SNTG1: variants seen among roughly 807,000 people sequenced by gnomAD.
The protein encoded by SNTG1 is syntrophin gamma 1, also known as gamma-1-syntrophin.
Under a neutral mutation model 74.7 loss-of-function variants are expected in SNTG1, and 39 were observed. The observed-to-expected ratio is 0.52, with a 90% CI of 0.40 to 0.68. The LOEUF is 0.68. SNTG1 is among the 30% of genes least tolerant of loss of function. SNTG1 has a pLI of 0.00. For synonymous variants in SNTG1, 254 were observed against 217.1 expected, an observed-to-expected ratio of 1.17 and a Z score of -1.49; for missense variants, 685 against 609.5, an observed-to-expected ratio of 1.12 and a Z score of -1.30.
chr8:49,986,701 C>T (rs555422140), intron 1 of SNTG1, among the ~76,000 whole-genome samples: 1 of 124,592 alleles, frequency 8.0e-6, no homozygotes, highest in African/African-American at 3.1e-5. Flanking sequence ...CATAAGACCT[C>T]ATCTCTACAA....
chr8:50,149,356 A>G (rs1037945696), intron 1 of SNTG1, among the ~76,000 whole-genome samples: 2 of 152,158 alleles, frequency 1.3e-5, no homozygotes, highest in Non-Finnish European at 2.9e-5. Context: ...GTTCACCCTG[A>G]TGGCAGTTTC....
chr8:50,787,727 G>A (rs184807253), intron 18 of SNTG1, among the ~76,000 whole-genome samples: 105 of 152,044 alleles, frequency 6.9e-4, no homozygotes, highest in African/African-American at 2.4e-3. Context: ...AGTGTATTAA[G>A]TGAACGTAGA....
chr8:50,518,879 A>G (rs190162772), intron 9 of SNTG1, among the ~76,000 whole-genome samples: 121 of 152,294 alleles, frequency 7.9e-4, no homozygotes, highest in African/African-American at 2.8e-3. Context: ...AGAGGTACCA[A>G]CAGGAGCTGG....
intron 18 of SNTG1, among the ~76,000 whole-genome samples, chr8:50,779,208 A>G (rs2095650729): frequency 1.3e-5 from 2 of 152,076 alleles, no homozygotes; most frequent in South Asian, 4.1e-4. Context: ...TTCCATATGA[A>G]CTTTAAAGTA....
At chr8:50,625,525 A>G (rs746393871) in intron 13 of SNTG1, among the ~76,000 whole-genome samples, 6 of 152,222 alleles carry the variant, frequency 3.9e-5, no homozygotes, top group Non-Finnish European at 7.4e-5. Context: ...CTAAAAATCA[A>G]TAAATAAGGA....
chr8:50,450,420 G>T, intron 6 of SNTG1, 136 bp from the exon 7 acceptor site: 3 of 841,018 alleles, frequency 3.6e-6, no homozygotes, highest in Admixed American at 2.7e-5. Context: ...CATTTTTTGT[G>T]GATCTTTTAA....
chr8:50,533,573 T>C (rs1281482412), intron 10 of SNTG1, among the ~76,000 whole-genome samples: 2 of 151,074 alleles, frequency 1.3e-5, no homozygotes, highest in Admixed American at 6.6e-5. Flanking sequence ...TAAACTACTA[T>C]TCCAAAAAAA....
intron 1 of SNTG1, among the ~76,000 whole-genome samples, chr8:50,095,482 G>A (rs955873412): frequency 6.6e-6 from 1 of 152,076 alleles, no homozygotes; most frequent in African/African-American, 2.4e-5. Flanking sequence ...TTGAGGAAAA[G>A]GTAAAAGTCT....
At chr8:50,245,626 T>C (rs903795324) in intron 2 of SNTG1, among the ~76,000 whole-genome samples, 44 of 152,092 alleles carry the variant, frequency 2.9e-4, no homozygotes, top group African/African-American at 1.1e-3. Context: ...GAGGTTGCCA[T>C]GAGCCGAGAT....
intron 18 of SNTG1, among the ~76,000 whole-genome samples, chr8:50,775,789 C>A (rs2095639130): frequency 6.6e-6 from 1 of 151,578 alleles, no homozygotes; most frequent in African/African-American, 2.4e-5. Context: ...TACTTTGCAT[C>A]TAAGTTATTT....
At chr8:50,616,086 GCCA>G (rs2094883822) in intron 13 of SNTG1, among the ~76,000 whole-genome samples, 1 of 152,176 alleles carries the variant, frequency 6.6e-6, no homozygotes, top group Non-Finnish European at 1.5e-5. Flanking sequence ...GAAGAGCCCT[GCCA>G]CATTATTAAG....
Position 50,730,869 on chromosome 8 carries a change from C to T in SNTG1, c.1285-21132C>T, listed in dbSNP as rs140650336. 5.7e-3 allele frequency among the ~76,000 whole-genome samples: 865 copies of T among 152,146 alleles called. 6 individuals carry two copies. The highest frequency in any genetic ancestry group is 6.3e-3 in the Non-Finnish European group (430 of 68,006). On this transcript the variant is annotated intron_variant, in intron 17 of 18. Coordinates refer to ENST00000642720, the MANE Select transcript of SNTG1 (RefSeq NM_018967.5). ...TCAGCTTACTGTTCTATTGGAAGAACGCTACTAAACTAGTTTGAAATAATA... is the reference window on the plus strand; with the variant it reads ...TCAGCTTACTGTTCTATTGGAAGAATGCTACTAAACTAGTTTGAAATAATA...
rs1327204991 is a variant in SNTG1 at position 50,032,468 on chromosome 8, T to A, written c.-103+120237T>A. On this transcript the variant is annotated intron_variant, in intron 1 of 18. Coordinates refer to ENST00000642720, the MANE Select transcript of SNTG1 (RefSeq NM_018967.5). ...ACAGCACTCATGGTCTAAAGTTTTC[T>A]GTCTTGCTAGGCTGCTTTTTTTGTG... is the stretch of plus-strand genomic sequence containing the variant. Among the ~76,000 whole-genome samples, 3 of 152,170 alleles carry A rather than the reference T, an allele frequency of 2.0e-5. No homozygotes were observed. The East Asian group carries it at 5.8e-4, about 29-fold the overall frequency.
intron 2 of SNTG1, among the ~76,000 whole-genome samples, chr8:50,380,859 A>G (rs780727650): frequency 6.6e-6 from 1 of 152,240 alleles, no homozygotes; most frequent in Non-Finnish European, 1.5e-5. Flanking sequence ...TAATCATAAT[A>G]GGCAAGATCT....
At chr8:50,690,052 T>G (rs181551052) in intron 15 of SNTG1, among the ~76,000 whole-genome samples, 3 of 152,224 alleles carry the variant, frequency 2.0e-5, no homozygotes, top group Non-Finnish European at 2.9e-5. Flanking sequence ...GTTTGTAGTA[T>G]TCTCTGATGG....
chr8:50,706,596 C>T (rs1460848808), intron 16 of SNTG1, among the ~76,000 whole-genome samples: 5 of 151,972 alleles, frequency 3.3e-5, no homozygotes, highest in Non-Finnish European at 5.9e-5. Flanking sequence ...ATACATTGGC[C>T]TATTTCCTTA....
intron 9 of SNTG1, among the ~76,000 whole-genome samples, chr8:50,513,567 G>T (rs956054429): frequency 6.6e-6 from 1 of 152,252 alleles, no homozygotes; most frequent in Non-Finnish European, 1.5e-5. Flanking sequence ...GCTCCACCCA[G>T]TTTGAGCTTC....
At position 50,120,133 on chromosome 8, in the gene SNTG1, A is replaced by C. The variant is rs181234882; in HGVS notation, c.-102-52428A>C. Among the ~76,000 whole-genome samples, 9 of 141,810 alleles carry C rather than the reference A, an allele frequency of 6.3e-5. 1 individual carries two copies. In the East Asian group the frequency reaches 1.4e-3, roughly 22 times the overall value. 93.0% of individuals were successfully genotyped at this position (141,810 alleles called of 152,430 possible). ...TTTTGTTTTCTCCCCCTCTAGCAAA[A>C]ATGTTAATAGTAGTAGTAACTACCT... On this transcript the variant is annotated intron_variant, in intron 1 of 18. Transcript: ENST00000642720.
chr8:50,175,944 C>G (rs905245320), intron 2 of SNTG1, among the ~76,000 whole-genome samples: 3 of 152,022 alleles, frequency 2.0e-5, no homozygotes, highest in Admixed American at 2.0e-4. Context: ...GAAAATAGCC[C>G]TAGGAGCATG....
Sources: allele counts gnomAD v4.1 joint callset (sites outside exome capture counted in the v4.1 genomes callset), GRCh38; gene constraint gnomAD v4.1.1; transcripts MANE v1.5; gene names NCBI Gene and HGNC (gene_info 2026-07-23, HGNC 2026-07-21).